Variants in PTPRM observed in about 807,000 individuals in gnomAD.
The protein encoded by PTPRM is protein tyrosine phosphatase receptor type M.
Under a neutral mutation model 186.7 loss-of-function variants are expected in PTPRM, and 47 were observed. The ratio of observed to expected loss-of-function variants is 0.25; its 90% CI spans 0.20 to 0.32. The LOEUF (loss-of-function observed/expected upper bound fraction) is 0.32, where lower values mean the gene tolerates loss of function less well. Among genes scored for constraint, PTPRM ranks in the 10% least tolerant of loss-of-function variants. The pLI is 1.00. For synonymous variants in PTPRM, 668 were observed against 674.9 expected (o/e 0.99, Z 0.16); for missense variants, 1,494 against 1,865.0 (o/e 0.80, Z 3.66).
intron 2 of PTPRM, among the ~76,000 whole-genome samples, chr18:7,801,525 T>G (rs1025293086): frequency 5.9e-5 from 9 of 151,572 alleles, no homozygotes; most frequent in Admixed American, 1.3e-4. Flanking sequence ...GCTGTTTCAC[T>G]TTTTTTTTCA....
At chr18:7,676,250 T>C (rs1296011544) in intron 1 of PTPRM, among the ~76,000 whole-genome samples, 2 of 152,180 alleles carry the variant, frequency 1.3e-5, no homozygotes, top group Non-Finnish European at 2.9e-5. Context: ...TTATTTATTG[T>C]TGCAATTGTT....
intron 1 of PTPRM, among the ~76,000 whole-genome samples, chr18:7,736,807 A>G (rs1295925324): frequency 1.3e-5 from 2 of 152,202 alleles, no homozygotes; most frequent in African/African-American, 4.8e-5. Flanking sequence ...TAGGCCAGGC[A>G]GGGCCAGGCC....
chr18:7,595,146 T>C lies in PTPRM; in HGVS notation c.73+27255T>C, dbSNP rs549929699. On this transcript the variant is annotated intron_variant, in intron 1 of 32. Coordinates refer to ENST00000580170, the MANE Select transcript of PTPRM (RefSeq NM_001105244.2). ...CCCAGAAAGGTCTTGGTTGTGATCC[T>C]AGAGCTGCTGCTGTTGATGAAGGCA... 2.6e-5 allele frequency among the ~76,000 whole-genome samples: 4 copies of C among 152,340 alleles called. No individual in the cohort carries two copies. In the East Asian group the frequency reaches 7.7e-4, roughly 29 times the overall value.
intron 1 of PTPRM, among the ~76,000 whole-genome samples, chr18:7,664,061 G>A (rs1274227096): frequency 3.3e-5 from 5 of 151,246 alleles, no homozygotes; most frequent in African/African-American, 1.2e-4. Context: ...TTGGGAAAGG[G>A]TAAGGGCTTA....
intron 19 of PTPRM, among the ~76,000 whole-genome samples, chr18:8,283,211 G>T (rs192424737): frequency 6.6e-6 from 1 of 152,286 alleles, no homozygotes; most frequent in East Asian, 1.9e-4. Context: ...GTTTCCTGAG[G>T]TACAGTTATG....
chr18:8,299,004 T>TC (rs2095126486), intron 20 of PTPRM, among the ~76,000 whole-genome samples: 2 of 152,208 alleles, frequency 1.3e-5, no homozygotes, highest in Non-Finnish European at 2.9e-5. Context: ...CAGTCCCAGC[T>TC]ACTCAGGAGG....
At chr18:7,989,221 C>T (rs945849665) in intron 7 of PTPRM, among the ~76,000 whole-genome samples, 1 of 151,372 alleles carries the variant, frequency 6.6e-6, no homozygotes, top group African/African-American at 2.4e-5. Context: ...TTCCTAGTTA[C>T]AGGCAAAGTA....
intron 13 of PTPRM, among the ~76,000 whole-genome samples, chr18:8,115,081 A>C (rs2091904103): frequency 6.6e-6 from 1 of 152,152 alleles, no homozygotes; most frequent in Non-Finnish European, 1.5e-5. Context: ...TTCAATAGTT[A>C]CCTTTTTCAG....
chr18:8,030,188 A>G (rs1457192002), intron 7 of PTPRM, among the ~76,000 whole-genome samples: 2 of 152,210 alleles, frequency 1.3e-5, no homozygotes, highest in Non-Finnish European at 1.5e-5. Context: ...TTATTCACAT[A>G]GTCCATGTAG....
In PTPRM at chr18:8,126,016, TATATATATA is replaced by T. The variant is rs1244657436; in HGVS notation, c.2167+11190_2167+11198del. Among the ~76,000 whole-genome samples, 24 of 29,616 alleles carry T rather than the reference TATATATATA, an allele frequency of 8.1e-4. 3 individuals are homozygous for T. The highest frequency in any genetic ancestry group is 4.5e-3 in the East Asian group (3 of 670). The allele number at this position is 29,616 out of a possible 152,430, so 19.4% of individuals were successfully genotyped here. On this transcript the variant is annotated intron_variant, in intron 13 of 32. Transcript: ENST00000580170. Reference sequence around the variant, plus strand: ...ATATATATATATATATATATATATATATATATATATATTTTAAATCAGTAGACCTTTCCA... The same window carrying T: ...ATATATATATATATATATATATATATTATTTTAAATCAGTAGACCTTTCCA...
At chr18:7,772,426 C>CTTT (rs1568108949) in intron 1 of PTPRM, among the ~76,000 whole-genome samples, 13 of 110,774 alleles carry the variant, frequency 1.2e-4, no homozygotes, top group African/African-American at 8.3e-5. Context: ...CTTTCTTTCT[C>CTTT]CCTTCCCCTT....
chr18:8,172,118 C>T (rs749943098), intron 14 of PTPRM, among the ~76,000 whole-genome samples: 38 of 152,148 alleles, frequency 2.5e-4, no homozygotes, highest in African/African-American at 4.6e-4. Context: ...AAGACATACC[C>T]GATACTGAGC....
chr18:7,946,699 A>T (rs2052546365), intron 5 of PTPRM, among the ~76,000 whole-genome samples: 1 of 152,218 alleles, frequency 6.6e-6, no homozygotes, highest in Non-Finnish European at 1.5e-5. Context: ...AGTGAAAAAA[A>T]CACACACAGA....
intron 23 of PTPRM, chr18:8,365,598 A>G (rs2095623874): frequency 6.6e-6 from 1 of 152,244 alleles, no homozygotes; most frequent in African/African-American, 2.4e-5. Flanking sequence ...AACCACACTG[A>G]TAGGCAAATG....
chr18:8,223,225 AAAAT>A (rs757422330), intron 14 of PTPRM, among the ~76,000 whole-genome samples: 5 of 152,186 alleles, frequency 3.3e-5, no homozygotes, highest in Admixed American at 6.5e-5. Context: ...CTCTGTCTCA[AAAAT>A]AAATAAATAA....
intron 23 of PTPRM, among the ~76,000 whole-genome samples, chr18:8,364,360 G>T (rs985481557): frequency 2.0e-5 from 3 of 152,140 alleles, no homozygotes; most frequent in African/African-American, 7.2e-5. Context: ...GGCTCAGGGG[G>T]TGTAAGTCAC....
At position 8,081,965 on chromosome 18, in the gene PTPRM, C is replaced by T. The variant is rs1435316496; in HGVS notation, c.1552-3706C>T. 1.3e-5 allele frequency among the ~76,000 whole-genome samples: 2 copies of T among 152,212 alleles called. 1 individual carries two copies. ...AGCTAAGAACCCCAGTGTTATTTTG[C>T]AGCCACAAGGCTTTCAGCAAGTCCA... On this transcript the variant is annotated intron_variant, in intron 9 of 32. Coordinates refer to ENST00000580170, the MANE Select transcript of PTPRM (RefSeq NM_001105244.2).
chr18:7,569,253 G>A (rs1379096760), intron 1 of PTPRM, among the ~76,000 whole-genome samples: 1 of 152,192 alleles, frequency 6.6e-6, no homozygotes, highest in African/African-American at 2.4e-5. Context: ...TGTCTTGTGT[G>A]TTGCTGATCT....
intron 2 of PTPRM, among the ~76,000 whole-genome samples, chr18:7,782,686 A>T (rs1278180348): frequency 6.6e-6 from 1 of 152,180 alleles, no homozygotes; most frequent in Non-Finnish European, 1.5e-5. Context: ...GGAGTCATAC[A>T]GTGCTGTCCT....
Sources: allele counts gnomAD v4.1 joint callset (sites outside exome capture counted in the v4.1 genomes callset), GRCh38; gene constraint gnomAD v4.1.1; transcripts MANE v1.5; gene names NCBI Gene and HGNC (gene_info 2026-07-23, HGNC 2026-07-21).